Variants in STAU2 observed in about 807,000 individuals in gnomAD.
STAU2 encodes staufen double-stranded RNA binding protein 2, also known as double-stranded RNA-binding protein Staufen homolog 2.
STAU2 carries 20 observed loss-of-function variants against 65.9 expected under a neutral mutation model. The ratio of observed to expected loss-of-function variants is 0.30; its 90% CI spans 0.21 to 0.44. The LOEUF (loss-of-function observed/expected upper bound fraction) is 0.44. Among genes scored for constraint, STAU2 ranks in the 20% least tolerant of loss-of-function variants. The pLI is 1.00. For synonymous variants in STAU2, 232 were observed against 233.9 expected (o/e 0.99, Z 0.07); for missense variants, 558 against 683.9 (o/e 0.82, Z 2.05).
At chr8:73,601,548 T>A (rs1184474816) in intron 10 of STAU2, among the ~76,000 whole-genome samples, 2 of 152,216 alleles carry the variant, frequency 1.3e-5, no homozygotes, top group Non-Finnish European at 2.9e-5. Flanking sequence ...TGCTGCCACA[T>A]TCAATTATAA....
chr8:73,582,026 C>A (rs940923429), intron 12 of STAU2, among the ~76,000 whole-genome samples: 6 of 151,948 alleles, frequency 3.9e-5, no homozygotes, highest in African/African-American at 1.5e-4. Flanking sequence ...CACTGATTTA[C>A]AGTAAAATGT....
intron 13 of STAU2, among the ~76,000 whole-genome samples, chr8:73,468,184 T>C (rs1819768247): frequency 6.6e-6 from 1 of 152,114 alleles, no homozygotes; most frequent in Non-Finnish European, 1.5e-5. Flanking sequence ...TTGACAAACC[T>C]GACAAAAACA....
At chr8:73,631,167 C>A (rs1171500206) in intron 6 of STAU2, among the ~76,000 whole-genome samples, 1 of 152,060 alleles carries the variant, frequency 6.6e-6, no homozygotes, top group East Asian at 1.9e-4. Flanking sequence ...ACCAGCCTTG[C>A]CAAAATAGCA....
At chr8:73,672,939 T>C in intron 6 of STAU2, 168 bp downstream of exon 6, 1 of 590,970 alleles carries the variant, frequency 1.7e-6, no homozygotes, top group Admixed American at 4.1e-5. Context: ...ACTGGGTTTC[T>C]TTAAGTTATT....
At chr8:73,464,068 A>C (rs1819517233) in intron 13 of STAU2, among the ~76,000 whole-genome samples, 1 of 152,202 alleles carries the variant, frequency 6.6e-6, no homozygotes, top group Non-Finnish European at 1.5e-5. Context: ...AACAGTTTAC[A>C]ATGGGCCTGA....
At chr8:73,446,649 ATT>A (rs563537046) in intron 13 of STAU2, among the ~76,000 whole-genome samples, 1 of 152,078 alleles carries the variant, frequency 6.6e-6, no homozygotes. Context: ...ATTTAATTTA[ATT>A]TTTTTTAAAG....
chr8:73,705,694 G>C (rs10100388), intron 4 of STAU2, among the ~76,000 whole-genome samples: 74,337 of 151,898 alleles, frequency 0.49, 20,039 homozygotes, highest in Non-Finnish European at 0.62. Flanking sequence ...AAACTGAGCA[G>C]AAAAATAAAA....
chr8:73,450,600 G>A (rs556795035), intron 13 of STAU2, among the ~76,000 whole-genome samples: 1 of 152,312 alleles, frequency 6.6e-6, no homozygotes, highest in East Asian at 1.9e-4. Context: ...GAAAAGCAAA[G>A]TATTGGTATT....
rs546387879 is a variant in STAU2 at position 73,520,102 on chromosome 8, T to C, written c.1530+31910A>G. Among the ~76,000 whole-genome samples, 8 of 152,318 alleles carry C rather than the reference T, an allele frequency of 5.3e-5. No homozygotes were observed. In the East Asian group the frequency reaches 7.7e-4, roughly 15 times the overall value. ...GATACACATGTAAGAGCATGAAATA[T>C]GGTAACTCAGGACTGCTAGAGCATA... On this transcript the variant is annotated intron_variant, in intron 13 of 14. Coordinates refer to ENST00000524300, the MANE Select transcript of STAU2 (RefSeq NM_001164380.2).
intron 3 of STAU2, among the ~76,000 whole-genome samples, chr8:73,713,883 A>G (rs190900583): frequency 1.3e-5 from 2 of 152,230 alleles, no homozygotes; most frequent in Admixed American, 1.3e-4. Flanking sequence ...CCTTGGTCCC[A>G]GAAATGACTT....
chr8:73,656,016 C>G (rs528255079), intron 6 of STAU2, among the ~76,000 whole-genome samples: 1 of 152,162 alleles, frequency 6.6e-6, no homozygotes, highest in Admixed American at 6.5e-5. Flanking sequence ...ATCTCCTGAC[C>G]TTGTGATCCG....
chr8:73,570,288 G>A (rs1003498748), intron 12 of STAU2, among the ~76,000 whole-genome samples: 2 of 152,160 alleles, frequency 1.3e-5, no homozygotes, highest in African/African-American at 4.8e-5. Context: ...AATGAACAAA[G>A]CCTCCAAGAA....
chr8:73,426,375 CTT>C (rs1043390129), intron 13 of STAU2, among the ~76,000 whole-genome samples: 1 of 152,144 alleles, frequency 6.6e-6, no homozygotes, highest in Admixed American at 6.5e-5. Context: ...TAACTATAGT[CTT>C]TCTACAGTGG....
At chr8:73,628,683 A>T (rs1813869068) in intron 6 of STAU2, among the ~76,000 whole-genome samples, 1 of 152,202 alleles carries the variant, frequency 6.6e-6, no homozygotes, top group Non-Finnish European at 1.5e-5. Context: ...TGTTTTTGAA[A>T]AGTTTGTTAG....
chr8:73,549,571 T>A (rs1585983917), intron 13 of STAU2: 1 of 897,568 alleles, frequency 1.1e-6, no homozygotes. Context: ...AAAGACTGGG[T>A]GATGAAACAA....
chr8:73,694,769 C>T (rs59624762), intron 4 of STAU2, among the ~76,000 whole-genome samples: 11,047 of 152,188 alleles, frequency 0.073, 438 homozygotes, highest in Middle Eastern at 0.14. Flanking sequence ...AGCCATGTGG[C>T]GTGGAGAGAA....
At chr8:73,460,314 G>T (rs1261008878) in intron 13 of STAU2, among the ~76,000 whole-genome samples, 1 of 152,218 alleles carries the variant, frequency 6.6e-6, no homozygotes, top group Admixed American at 6.5e-5. Context: ...AAGGTCATCT[G>T]TTCCAGGTTA....
At chr8:73,437,497 A>C (rs148210332) in intron 13 of STAU2, among the ~76,000 whole-genome samples, 129 of 152,254 alleles carry the variant, frequency 8.5e-4, no homozygotes, top group African/African-American at 2.8e-3. Flanking sequence ...TCCAGAAAGG[A>C]ACTCAGCCGT....
intron 4 of STAU2, among the ~76,000 whole-genome samples, chr8:73,705,372 C>T (rs1820439701): frequency 6.6e-6 from 1 of 152,064 alleles, no homozygotes; most frequent in Non-Finnish European, 1.5e-5. Flanking sequence ...ACATTGCCTC[C>T]CTCAGTGATA....
Sources: gnomAD v4.1 joint callset for allele counts (sites outside exome capture counted in the v4.1 genomes callset) on GRCh38, gnomAD v4.1.1 for gene constraint, MANE v1.5 for transcripts, NCBI Gene and HGNC (gene_info 2026-07-23, HGNC 2026-07-21) for gene names.